Variants in ZNF385D observed in about 807,000 individuals in gnomAD.
The protein encoded by ZNF385D is zinc finger protein 385D, also known as zinc finger protein 659.
A neutral mutation model predicts 35.8 loss-of-function variants in ZNF385D; 15 were observed. The observed-to-expected ratio is 0.42, with a 90% CI of 0.28 to 0.64. The LOEUF (loss-of-function observed/expected upper bound fraction) is 0.64, where lower values mean the gene tolerates loss of function less well. ZNF385D is among the 30% of genes least tolerant of loss of function. The probability of loss-of-function intolerance (pLI) is 0.23; values close to 1 mark genes in which losing one functional copy is unlikely to be tolerated. For missense variants in ZNF385D, 474 were observed against 494.6 expected (o/e 0.96, Z 0.39); for synonymous variants, 212 against 186.8 (o/e 1.13, Z -1.10).
chr3:21,763,364 ATTAC>A (rs764713051), intron 3 of ZNF385D, among the ~76,000 whole-genome samples: 3 of 152,150 alleles, frequency 2.0e-5, no homozygotes, highest in Admixed American at 6.5e-5. Flanking sequence ...TAGGGGTGTC[ATTAC>A]TTCGAAAAGA....
intron 3 of ZNF385D, among the ~76,000 whole-genome samples, chr3:21,902,596 C>T (rs567000984): frequency 2.0e-5 from 3 of 152,082 alleles, no homozygotes; most frequent in South Asian, 2.1e-4. Context: ...AGAAATTAAT[C>T]GGTCTTTTTA....
chr3:22,242,843 A>C (rs1699571969), intron 2 of ZNF385D, among the ~76,000 whole-genome samples: 1 of 150,560 alleles, frequency 6.6e-6, no homozygotes. Flanking sequence ...AGGTTTACAG[A>C]AACTAATGTT....
At chr3:21,524,156 A>G (rs945600960) in intron 3 of ZNF385D, among the ~76,000 whole-genome samples, 1 of 152,188 alleles carries the variant, frequency 6.6e-6, no homozygotes, top group Non-Finnish European at 1.5e-5. Flanking sequence ...GGGTTAGGAT[A>G]CGTTGAGTTT....
intron 2 of ZNF385D, among the ~76,000 whole-genome samples, chr3:21,590,616 A>G (rs867834999): frequency 2.0e-5 from 3 of 152,122 alleles, no homozygotes; most frequent in Admixed American, 6.6e-5. Flanking sequence ...CAGACAACCA[A>G]TCATTTAGTA....
At chr3:22,253,313 T>C (rs1700155272) in intron 2 of ZNF385D, among the ~76,000 whole-genome samples, 1 of 149,468 alleles carries the variant, frequency 6.7e-6, no homozygotes, top group South Asian at 2.1e-4. Flanking sequence ...AAATAGACTG[T>C]AATTGAAACC....
At chr3:22,353,339 A>T (rs900121082) in intron 2 of ZNF385D, among the ~76,000 whole-genome samples, 1 of 152,180 alleles carries the variant, frequency 6.6e-6, no homozygotes, top group African/African-American at 2.4e-5. Flanking sequence ...CTGGACCATG[A>T]CCATGCCCAA....
intron 3 of ZNF385D, among the ~76,000 whole-genome samples, chr3:21,970,564 C>T (rs71310301): frequency 1.3e-5 from 2 of 151,704 alleles, no homozygotes; most frequent in Non-Finnish European, 2.9e-5. Context: ...ACCTAGAAAA[C>T]AGCCTCAAAG....
chr3:22,325,098 TAA>T (rs1694616667), intron 2 of ZNF385D, among the ~76,000 whole-genome samples: 1 of 152,316 alleles, frequency 6.6e-6, no homozygotes, highest in African/African-American at 2.4e-5. Context: ...GAGTGCTATA[TAA>T]AGTGTAATTA....
chr3:21,459,721 A>G (rs1025354968), intron 4 of ZNF385D, among the ~76,000 whole-genome samples: 1 of 152,178 alleles, frequency 6.6e-6, no homozygotes, highest in African/African-American at 2.4e-5. Flanking sequence ...TGTACTTGCC[A>G]AATGTATCAT....
At chr3:21,572,708 G>A (rs1269234304) in intron 2 of ZNF385D, among the ~76,000 whole-genome samples, 1 of 152,150 alleles carries the variant, frequency 6.6e-6, no homozygotes, top group Admixed American at 6.6e-5. Context: ...CCCTTATGAT[G>A]AGTGAGAAAA....
chr3:21,870,426 T>A (rs954493096), intron 3 of ZNF385D, among the ~76,000 whole-genome samples: 2 of 152,190 alleles, frequency 1.3e-5, no homozygotes, highest in Non-Finnish European at 2.9e-5. Flanking sequence ...CTACCCAGTG[T>A]GGCTCATTTG....
Position 22,228,773 on chromosome 3 carries a change from C to T in ZNF385D, c.107-59738G>A, listed in dbSNP as rs1698714347. Among the ~76,000 whole-genome samples, 3 of 152,296 alleles carry T rather than the reference C, an allele frequency of 2.0e-5. No individual in the cohort carries two copies. The East Asian group carries it at 5.8e-4, about 30-fold the overall frequency. ...ACAATCTAATCAGCTGCCAGCACAG[C>T]TAGAATAAAAGCAGGCAGAAGAATG... On this transcript the variant is annotated intron_variant, in intron 2 of 5. Coordinates refer to the ZNF385D transcript ENST00000494108.
At chr3:22,042,662 G>C (rs1267109220) in intron 3 of ZNF385D, among the ~76,000 whole-genome samples, 3 of 152,082 alleles carry the variant, frequency 2.0e-5, no homozygotes, top group Non-Finnish European at 1.5e-5. Context: ...TCTCTTCCAA[G>C]TTGCACTCCT....
intron 3 of ZNF385D, among the ~76,000 whole-genome samples, chr3:21,772,995 A>G (rs566089920): frequency 8.7e-4 from 133 of 152,062 alleles, no homozygotes; most frequent in African/African-American, 3.1e-3. Flanking sequence ...TGAGGTACTT[A>G]GAGTAGTCAA....
Position 22,297,439 on chromosome 3 carries a change from C to A in ZNF385D, c.106+75011G>T, listed in dbSNP as rs779751054. Among the ~76,000 whole-genome samples the A allele has an allele frequency of 2.6e-5, 4 of 152,078 alleles. No individual in the cohort carries two copies. In the South Asian group the frequency reaches 6.2e-4, roughly 24 times the overall value. ...GGATTCCTCATACCTGGAGCAAAGT[C>A]TAGGCTATAGATATAGTCTATAAAG... is the stretch of plus-strand genomic sequence containing the variant. On this transcript the variant is annotated intron_variant, in intron 2 of 5. Transcript: ENST00000494108.
At chr3:22,066,991 A>T (rs896008237) in intron 3 of ZNF385D, among the ~76,000 whole-genome samples, 1 of 152,214 alleles carries the variant, frequency 6.6e-6, no homozygotes. Flanking sequence ...GGATTATGAA[A>T]GTCTAGATCA....
chr3:22,115,959 C>A (rs1328727682), intron 3 of ZNF385D, among the ~76,000 whole-genome samples: 1 of 152,036 alleles, frequency 6.6e-6, no homozygotes, highest in African/African-American at 2.4e-5. Context: ...ACGACCACTT[C>A]CAAACTGAAG....
rs770868364 is a variant in ZNF385D at position 21,436,958 on chromosome 3, G to A, written c.673+12C>T. Reference sequence around the variant, plus strand: ...GAGCTGTTGAAACAAAAAAGAAATCGCTGCATCTCACCACTGTTGTGCGCC... The same window carrying A: ...GAGCTGTTGAAACAAAAAAGAAATCACTGCATCTCACCACTGTTGTGCGCC... On this transcript the variant is annotated intron_variant, in intron 5 of 7. Transcript: ENST00000281523. 10 of 1,608,434 alleles carry A rather than the reference G, an allele frequency of 6.2e-6. No individual in the cohort carries two copies. Among genetic ancestry groups the A allele is most frequent in the East Asian group, 2.2e-5 (1 of 44,788 alleles).
At chr3:21,836,417 G>C (rs889686524) in intron 3 of ZNF385D, among the ~76,000 whole-genome samples, 6 of 152,168 alleles carry the variant, frequency 3.9e-5, no homozygotes, top group African/African-American at 1.2e-4. Flanking sequence ...AAGATATGAA[G>C]ACTGTGAGAG....
Sources: gnomAD v4.1 joint callset for allele counts (sites outside exome capture counted in the v4.1 genomes callset) on GRCh38, gnomAD v4.1.1 for gene constraint, MANE v1.5 for transcripts, NCBI Gene and HGNC (gene_info 2026-07-23, HGNC 2026-07-21) for gene names.